CA12: variants seen among roughly 807,000 people sequenced by gnomAD.
CA12 encodes carbonic anhydrase 12.
A neutral mutation model predicts 46.8 loss-of-function variants in CA12; 36 were observed. The ratio of observed to expected loss-of-function variants is 0.77; its 90% CI spans 0.59 to 1.02. The LOEUF is 1.02. Among genes scored for constraint, CA12 ranks in the 50% least tolerant of loss-of-function variants. CA12 has a pLI of 0.00. For missense variants in CA12, 436 were observed against 451.4 expected (o/e 0.97, Z 0.31); for synonymous variants, 202 against 187.0 (o/e 1.08, Z -0.65).
intron 1 of CA12, among the ~76,000 whole-genome samples, chr15:63,376,338 G>A (rs1213402230): frequency 2.6e-5 from 4 of 152,144 alleles, no homozygotes; most frequent in Non-Finnish European, 5.9e-5. Context: ...TACAGTAGAA[G>A]CTCTTCTTCC....
chr15:63,360,356 C>T (rs1057366779), intron 2 of CA12, among the ~76,000 whole-genome samples: 8 of 152,356 alleles, frequency 5.3e-5, no homozygotes, highest in South Asian at 2.1e-4. Context: ...GAGACGTGAT[C>T]TTTATTATGC....
Position 63,381,734 on chromosome 15 carries a change from T to G in CA12, c.-14A>C. On this transcript the variant is annotated 5_prime_UTR_variant, in exon 1 of 11. Transcript: ENST00000178638. ...GCGCCGGGGCATCTTCGCGGGCTCC[T>G]GCGGGGCGGGCGCGGGCTGTGCCGG... The G allele has an allele frequency of 3.2e-6, 5 of 1,567,930 alleles. No homozygotes were observed. The highest frequency in any genetic ancestry group is 4.3e-6 in the Non-Finnish European group (5 of 1,156,368).
At position 63,326,484 on chromosome 15, in the gene CA12, A is replaced by T. The variant is rs558762736; in HGVS notation, c.993-127T>A. 6.7e-6 allele frequency: 5 copies of T among 746,182 alleles called. No individual in the cohort carries two copies. The East Asian group carries it at 1.3e-4, about 19-fold the overall frequency. 46.2% of individuals were successfully genotyped at this position (746,182 alleles called of 1,614,324 possible). A position where few individuals can be genotyped will look rare whatever the true frequency, so the allele number is the denominator to read the frequency against. ...TTCCTCTCTTTGGGACCTTTCCCCA[A>T]TTCTGTTGGTCTTGGGAGGGAGTGT... On this transcript the variant is annotated intron_variant, in intron 10 of 10. Transcript: ENST00000178638.
intron 2 of CA12, among the ~76,000 whole-genome samples, chr15:63,358,410 G>A (rs776335023): frequency 6.6e-6 from 1 of 152,202 alleles, no homozygotes; most frequent in African/African-American, 2.4e-5. Context: ...CGGCACTCAC[G>A]GGAAACCAGT....
At chr15:63,346,336 A>G (rs1263990002) in intron 3 of CA12, among the ~76,000 whole-genome samples, 194 bp downstream of exon 3, 1 of 152,122 alleles carries the variant, frequency 6.6e-6, no homozygotes, top group African/African-American at 2.4e-5. Context: ...CCCTGGCAGG[A>G]TCCTCAGAGC....
intron 2 of CA12, among the ~76,000 whole-genome samples, chr15:63,356,570 C>A (rs1315637059): frequency 1.6e-5 from 1 of 61,598 alleles, no homozygotes; most frequent in African/African-American, 6.9e-5. Flanking sequence ...GTTGCCCAAG[C>A]TGGAATGCAG....
chr15:63,365,974 T>C, intron 2 of CA12, among the ~76,000 whole-genome samples: 1 of 151,978 alleles, frequency 6.6e-6, no homozygotes, highest in Non-Finnish European at 1.5e-5. Flanking sequence ...CCCCCATCTC[T>C]ACTAAAAATA....
intron 2 of CA12, among the ~76,000 whole-genome samples, chr15:63,363,026 T>A (rs540246561): frequency 2.0e-4 from 31 of 152,330 alleles, no homozygotes; most frequent in African/African-American, 7.2e-4. Context: ...GCAGTACCTA[T>A]CTCACCGGGT....
intron 2 of CA12, among the ~76,000 whole-genome samples, chr15:63,371,211 C>T (rs112540970): frequency 0.014 from 2,195 of 152,186 alleles, 70 homozygotes; most frequent in South Asian, 0.11. Context: ...GGACAGAAGG[C>T]GGGTGGAGGT....
intron 2 of CA12, among the ~76,000 whole-genome samples, chr15:63,364,572 G>C (rs2039415243): frequency 6.6e-6 from 1 of 152,180 alleles, no homozygotes; most frequent in Admixed American, 6.5e-5. Context: ...ATTGGGGGAT[G>C]TGGGCGCTCC....
Position 63,331,673 on chromosome 15 carries a change from TAGA to T in CA12, c.875-3546_875-3544del, listed in dbSNP as rs939508736. 6.6e-6 allele frequency: 1 copy of T among 152,104 alleles called. No homozygotes were observed. Among genetic ancestry groups the T allele is most frequent in the African/African-American group, 2.4e-5 (1 of 41,406 alleles). 9.4% of individuals were successfully genotyped at this position (152,104 alleles called of 1,614,324 possible). A position where few individuals can be genotyped will look rare whatever the true frequency, so the allele number is the denominator to read the frequency against. The stretch of plus-strand genomic sequence containing the variant: ...CACACACAAGGAAACCACACAGATA[TAGA>T]AGAACTCGATGGTCACACACCTTGC... On this transcript the variant is annotated intron_variant, in intron 8 of 10. Coordinates refer to ENST00000178638, the MANE Select transcript of CA12 (RefSeq NM_001218.5). The surrounding 1 kb of genome is among the most constrained non-coding windows in gnomAD (Gnocchi z 5.3).
chr15:63,370,972 T>G (rs2039497760), intron 2 of CA12, among the ~76,000 whole-genome samples: 1 of 152,094 alleles, frequency 6.6e-6, no homozygotes, highest in African/African-American at 2.4e-5. Flanking sequence ...AGGTGCTCCC[T>G]GCTGTTTTGA....
chr15:63,346,457 A>C, intron 3 of CA12, 73 bp downstream of exon 3: 1 of 1,199,972 alleles, frequency 8.3e-7, no homozygotes, highest in Non-Finnish European at 1.2e-6. Flanking sequence ...TCCCTGCCAG[A>C]TGGAAAAGGA....
At chr15:63,366,558 T>C (rs1011121929) in intron 2 of CA12, among the ~76,000 whole-genome samples, 5 of 152,234 alleles carry the variant, frequency 3.3e-5, no homozygotes, top group African/African-American at 7.2e-5. Context: ...CCAATACTTA[T>C]CCGTTTCTTT....
intron 2 of CA12, among the ~76,000 whole-genome samples, chr15:63,350,826 A>C (rs1468325870): frequency 6.6e-6 from 1 of 152,196 alleles, no homozygotes; most frequent in Non-Finnish European, 1.5e-5. Flanking sequence ...GACAGTTTAC[A>C]ATTCAGAAAC....
rs1235912366 is a variant in CA12 at position 63,381,757 on chromosome 15, C to T, written c.-37G>A. 2.6e-5 allele frequency: 38 copies of T among 1,434,192 alleles called. No homozygotes were observed. The highest frequency in any genetic ancestry group is 1.6e-4 in the East Asian group (6 of 37,828). 88.8% of individuals were successfully genotyped at this position (1,434,192 alleles called of 1,614,324 possible). On this transcript the variant is annotated 5_prime_UTR_variant, in exon 1 of 11. Transcript: ENST00000178638. ...CCTGCGGGGCGGGCGCGGGCTGTGC[C>T]GGGGGCTCCCGGTGGCCGCTCGCTC...
chr15:63,361,866 T>C (rs2039368105), intron 2 of CA12, among the ~76,000 whole-genome samples: 1 of 152,210 alleles, frequency 6.6e-6, no homozygotes, highest in South Asian at 2.1e-4. Context: ...TAGATGTTCC[T>C]TTTAGGTTGT....
rs1031335812 is a variant in CA12 at position 63,343,528 on chromosome 15, G to A, written c.430-1431C>T. Among the ~76,000 whole-genome samples, 5 of 151,942 alleles carry A rather than the reference G, an allele frequency of 3.3e-5. No individual in the cohort carries two copies. In the East Asian group the frequency reaches 5.8e-4, roughly 18 times the overall value. On this transcript the variant is annotated intron_variant, in intron 4 of 10. Coordinates refer to ENST00000178638, the MANE Select transcript of CA12 (RefSeq NM_001218.5). Reference sequence around the variant, plus strand: ...ACTCCTGACCTCCGGTGATCCACCCGTCTCAGCCTCCCAAAGTGCTGGGAT... The same window carrying A: ...ACTCCTGACCTCCGGTGATCCACCCATCTCAGCCTCCCAAAGTGCTGGGAT...
intron 2 of CA12, among the ~76,000 whole-genome samples, chr15:63,356,896 A>C (rs2039302309): frequency 6.6e-6 from 1 of 152,244 alleles, no homozygotes; most frequent in African/African-American, 2.4e-5. Context: ...TGTTCATAGC[A>C]GCATTATTTA....
Sources: gnomAD v4.1 joint callset for allele counts (sites outside exome capture counted in the v4.1 genomes callset) on GRCh38, gnomAD v4.1.1 for gene constraint, Gnocchi (gnomAD v3.1) non-coding constraint, MANE v1.5 for transcripts, NCBI Gene and HGNC (gene_info 2026-07-23, HGNC 2026-07-21) for gene names.